The following POU6F2 variants were observed in gnomAD, a reference collection of about 807,000 sequenced individuals.
POU6F2 encodes the protein POU class 6 homeobox 2.
A neutral mutation model predicts 71.3 loss-of-function variants in POU6F2; 31 were observed. The observed-to-expected ratio is 0.43, with a 90% CI of 0.33 to 0.59. POU6F2 has a LOEUF of 0.59. Among genes scored for constraint, POU6F2 ranks in the 20% least tolerant of loss-of-function variants. The pLI, the probability that POU6F2 is intolerant of heterozygous loss-of-function variation, is 0.04. For missense variants in POU6F2, 783 were observed against 856.8 expected (o/e 0.91, Z 1.07); for synonymous variants, 347 against 355.7 (o/e 0.98, Z 0.27).
chr7:39,120,213 A>G lies in POU6F2; in HGVS notation c.277+34182A>G, dbSNP rs34126088. Among the ~76,000 whole-genome samples the G allele has an allele frequency of 8.4e-3, 1,285 of 152,342 alleles. 13 individuals carry two copies. The highest frequency in any genetic ancestry group is 0.037 in the Middle Eastern group (11 of 294). On this transcript the variant is annotated intron_variant, in intron 2 of 9. Coordinates refer to ENST00000518318, the MANE Select transcript of POU6F2 (RefSeq NM_001370959.1). Reference sequence around the variant, plus strand: ...GAGGTAGGGTCTCGCTATGCTGCTCAGGCTGGTCTCAAACTCCTGGGCTCA... The same window carrying G: ...GAGGTAGGGTCTCGCTATGCTGCTCGGGCTGGTCTCAAACTCCTGGGCTCA...
chr7:39,010,530 G>A (rs372625666), intron 1 of POU6F2, among the ~76,000 whole-genome samples: 4 of 148,656 alleles, frequency 2.7e-5, no homozygotes, highest in Non-Finnish European at 6.0e-5. Context: ...TCCTTCAGTT[G>A]TGCTCTGATT....
At position 39,430,235 on chromosome 7, in the gene POU6F2, G is replaced by T. The variant is rs137973404; in HGVS notation, c.1114-2842G>T. ...ACTGAGTTTTTGACACGTTGAGATGGTGACCCCAATGCCCCTGAAAGGGGA... is the reference window on the plus strand; with the variant it reads ...ACTGAGTTTTTGACACGTTGAGATGTTGACCCCAATGCCCCTGAAAGGGGA... On this transcript the variant is annotated intron_variant, in intron 6 of 9. Coordinates refer to ENST00000518318, the MANE Select transcript of POU6F2 (RefSeq NM_001370959.1). Among the ~76,000 whole-genome samples the T allele has an allele frequency of 3.4e-3, 524 of 152,298 alleles. 7 individuals are homozygous for T. Among genetic ancestry groups the T allele is most frequent in the South Asian group, 0.011 (54 of 4,820 alleles).
chr7:39,317,451 T>C (rs1479585793), intron 4 of POU6F2, among the ~76,000 whole-genome samples: 3 of 152,352 alleles, frequency 2.0e-5, no homozygotes, highest in Non-Finnish European at 4.4e-5. Context: ...CCTGAACAAA[T>C]GAAGATGTAT....
At chr7:39,192,033 A>T (rs1793680601) in intron 2 of POU6F2, among the ~76,000 whole-genome samples, 2 of 152,156 alleles carry the variant, frequency 1.3e-5, no homozygotes, top group Non-Finnish European at 2.9e-5. Flanking sequence ...CCCATCTTTG[A>T]AGAAGGTTTG....
At chr7:39,360,570 T>A (rs1786358848) in intron 5 of POU6F2, among the ~76,000 whole-genome samples, 1 of 152,140 alleles carries the variant, frequency 6.6e-6, no homozygotes, top group Non-Finnish European at 1.5e-5. Context: ...GGGGTCCAGA[T>A]CCAGACCCCA....
At chr7:39,166,494 G>A (rs1298616749) in intron 2 of POU6F2, among the ~76,000 whole-genome samples, 2 of 152,178 alleles carry the variant, frequency 1.3e-5, no homozygotes, top group African/African-American at 4.8e-5. Flanking sequence ...TTGGGAAACA[G>A]TTCTTTGGAG....
intron 8 of POU6F2, among the ~76,000 whole-genome samples, chr7:39,457,243 G>A (rs1788826328): frequency 6.6e-6 from 1 of 152,158 alleles, no homozygotes; most frequent in African/African-American, 2.4e-5. Context: ...AGTGTCTGGT[G>A]GCAACACAGG....
chr7:39,223,108 T>C (rs1794401409), intron 4 of POU6F2, among the ~76,000 whole-genome samples: 1 of 152,200 alleles, frequency 6.6e-6, no homozygotes, highest in Non-Finnish European at 1.5e-5. Context: ...TTGTTTTGTT[T>C]TATAGTAGCT....
At chr7:39,053,218 A>G (rs1373307570) in intron 1 of POU6F2, among the ~76,000 whole-genome samples, 1 of 152,142 alleles carries the variant, frequency 6.6e-6, no homozygotes, top group Non-Finnish European at 1.5e-5. Context: ...AAATTTTTGC[A>G]TCACAGCTTT....
intron 6 of POU6F2, among the ~76,000 whole-genome samples, chr7:39,409,647 G>C (rs566861146): frequency 6.6e-6 from 1 of 151,834 alleles, no homozygotes; most frequent in Non-Finnish European, 1.5e-5. Context: ...CACTTTTGCA[G>C]GGCAAGCAGT....
intron 4 of POU6F2, among the ~76,000 whole-genome samples, chr7:39,264,052 G>C (rs568318872): frequency 6.6e-6 from 1 of 152,296 alleles, no homozygotes; most frequent in South Asian, 2.1e-4. Context: ...CTTCTTGACG[G>C]TCTCAAGGCC....
intron 5 of POU6F2, among the ~76,000 whole-genome samples, chr7:39,376,365 C>G (rs1786710521): frequency 6.6e-6 from 1 of 152,054 alleles, no homozygotes; most frequent in Admixed American, 6.6e-5. Context: ...TGAAAATAAA[C>G]TGTGTTGGAG....
intron 2 of POU6F2, among the ~76,000 whole-genome samples, chr7:39,202,426 C>T (rs186480331): frequency 6.6e-6 from 1 of 152,288 alleles, no homozygotes; most frequent in East Asian, 1.9e-4. Context: ...TATAAAAACC[C>T]ATGCCTGGCA....
chr7:38,984,890 T>G (rs1788423868), intron 1 of POU6F2: 1 of 152,082 alleles, frequency 6.6e-6, no homozygotes, highest in Admixed American at 6.6e-5. Flanking sequence ...TTAAATGGTG[T>G]TTTTAGCATT....
intron 7 of POU6F2, among the ~76,000 whole-genome samples, chr7:39,439,878 G>C (rs1396639267): frequency 7.7e-6 from 1 of 129,050 alleles, no homozygotes; most frequent in African/African-American, 3.2e-5. Context: ...CAGGTATGGT[G>C]GTAAAAAAAA....
chr7:39,304,711 G>A (rs1411329199), intron 4 of POU6F2, among the ~76,000 whole-genome samples: 1 of 152,168 alleles, frequency 6.6e-6, no homozygotes. Flanking sequence ...CGCACACACA[G>A]CATTCCTTTC....
intron 2 of POU6F2, among the ~76,000 whole-genome samples, chr7:39,158,235 G>A (rs568251121): frequency 3.9e-5 from 6 of 152,134 alleles, no homozygotes; most frequent in East Asian, 3.9e-4. Context: ...AAAAGCATTC[G>A]TCATTCACTC....
intron 2 of POU6F2, among the ~76,000 whole-genome samples, chr7:39,108,767 A>G (rs1013334660): frequency 5.3e-5 from 8 of 152,234 alleles, no homozygotes; most frequent in African/African-American, 1.9e-4. Context: ...ATCATTAACC[A>G]ATGAAATAAA....
chr7:39,164,852 T>C (rs1204674578), intron 2 of POU6F2, among the ~76,000 whole-genome samples: 2 of 152,194 alleles, frequency 1.3e-5, no homozygotes, highest in African/African-American at 4.8e-5. Context: ...AAGGAGATGC[T>C]GATCCTCTCC....
Sources: gnomAD v4.1 joint callset for allele counts (sites outside exome capture counted in the v4.1 genomes callset) on GRCh38, gnomAD v4.1.1 for gene constraint, MANE v1.5 for transcripts, NCBI Gene and HGNC (gene_info 2026-07-23, HGNC 2026-07-21) for gene names.